ARID4A: variants seen among roughly 807,000 people sequenced by gnomAD.
The protein encoded by ARID4A is AT-rich interaction domain 4A.
In ARID4A, 39 loss-of-function variants were observed where a neutral mutation model predicts 148.6. The observed-to-expected ratio is 0.26, with a 90% CI of 0.20 to 0.34. The LOEUF is 0.34. ARID4A is among the 10% of genes least tolerant of loss of function. The pLI is 1.00. For missense variants in ARID4A, 1,265 were observed against 1,449.1 expected (o/e 0.87, Z 2.06); for synonymous variants, 475 against 481.2 (o/e 0.99, Z 0.17).
intron 11 of ARID4A, among the ~76,000 whole-genome samples, chr14:58,344,337 C>T (rs2034254284): frequency 6.6e-6 from 1 of 151,922 alleles, no homozygotes; most frequent in Non-Finnish European, 1.5e-5. Flanking sequence ...TTATTGTGCT[C>T]ATCTGCCAGT....
chr14:58,311,906 C>A, intron 5 of ARID4A, among the ~76,000 whole-genome samples: 1 of 61,560 alleles, frequency 1.6e-5, no homozygotes. Context: ...TGTTGGTTAT[C>A]AGGGGTGGGG....
intron 21 of ARID4A, 84 bp from the exon 22 acceptor site, chr14:58,365,940 A>G (rs1264972313): frequency 8.5e-7 from 1 of 1,176,926 alleles, no homozygotes; most frequent in African/African-American, 1.6e-5. Context: ...TAGGATACCA[A>G]GAAATGTAAT....
intron 11 of ARID4A, among the ~76,000 whole-genome samples, chr14:58,337,246 T>TTTTATATATATATATATATATA (rs1555361740): frequency 1.2e-5 from 1 of 83,818 alleles, no homozygotes; most frequent in Non-Finnish European, 2.5e-5. Context: ...TTCTCTTTAT[T>TTTTATATATATATATATATATA]TATATATATA....
chr14:58,313,556 G>T (rs1356313601), intron 5 of ARID4A, among the ~76,000 whole-genome samples: 6 of 152,156 alleles, frequency 3.9e-5, no homozygotes, highest in Non-Finnish European at 7.4e-5. Flanking sequence ...TGACCTGGGG[G>T]TTGCAGACCC....
At chr14:58,359,109 T>C in intron 17 of ARID4A, 23 bp from the exon 18 acceptor site, 3 of 615,984 alleles carry the variant, frequency 4.9e-6, no homozygotes, top group Non-Finnish European at 6.8e-6. Context: ...TACAAACTCT[T>C]TTTTTTTTTT....
intron 2 of ARID4A, 98 bp from the exon 3 acceptor site, chr14:58,301,482 A>C (rs1244827507): frequency 1.4e-6 from 1 of 712,332 alleles, no homozygotes; most frequent in Non-Finnish European, 2.2e-6. Context: ...AGTCATTTTA[A>C]TATTCTTAAT....
chr14:58,305,135 G>T, intron 4 of ARID4A, 126 bp downstream of exon 4: 1 of 713,248 alleles, frequency 1.4e-6, no homozygotes, highest in Non-Finnish European at 2.2e-6. Context: ...ACATATGAAG[G>T]GTTTAAATAT....
rs756433888 is a variant in ARID4A at position 58,318,801 on chromosome 14, C to T, written c.445C>T (p.Pro149Ser). Residue 149 changes from proline (P) to serine (S), a missense_variant, in exon 7 of 24, where the codon CCT becomes TCT. Transcript: ENST00000355431. The part of the protein sequence containing the change: ...KTNRGRRSSL[P>S]VTEDEKEEES... ...GAACAGAGGAAGGAGATCTTCTCTT[C>T]CTGTGTGAGTTTTTTCATATATGGT... 6.2e-7 allele frequency: 1 copy of T among 1,610,484 alleles called. No individual in the cohort carries two copies. The highest frequency in any genetic ancestry group is 8.5e-7 in the Non-Finnish European group (1 of 1,176,946).
At chr14:58,358,077 C>T (rs1368056620) in intron 17 of ARID4A, among the ~76,000 whole-genome samples, 1 of 152,056 alleles carries the variant, frequency 6.6e-6, no homozygotes. Flanking sequence ...TGGTGTACAT[C>T]CGTGGTCTCA....
intron 8 of ARID4A, among the ~76,000 whole-genome samples, chr14:58,325,695 G>A (rs1436674185): frequency 6.6e-6 from 1 of 152,120 alleles, no homozygotes; most frequent in Non-Finnish European, 1.5e-5. Context: ...AGAGCTGAAA[G>A]TATATTTTTA....
chr14:58,323,422 A>C, intron 7 of ARID4A, 63 bp from the exon 8 acceptor site: 1 of 1,553,230 alleles, frequency 6.4e-7, no homozygotes, highest in Non-Finnish European at 8.8e-7. Flanking sequence ...TATTAAATTC[A>C]CAATACTCTG....
chr14:58,299,504 C>T (rs1248922691), intron 1 of ARID4A: 1 of 269,918 alleles, frequency 3.7e-6, no homozygotes, highest in African/African-American at 2.2e-5. Flanking sequence ...TGGCCTTTTC[C>T]GGAGCTATCT....
At chr14:58,312,038 A>G (rs1485787852) in intron 5 of ARID4A, among the ~76,000 whole-genome samples, 3 of 152,286 alleles carry the variant, frequency 2.0e-5, no homozygotes, top group Non-Finnish European at 2.9e-5. Flanking sequence ...GTTTTAGCCA[A>G]TAACAATGTA....
At chr14:58,299,153 C>G (rs1259553471) in intron 1 of ARID4A, among the ~76,000 whole-genome samples, 1 of 152,210 alleles carries the variant, frequency 6.6e-6, no homozygotes, top group African/African-American at 2.4e-5. Flanking sequence ...CTCCCCTCCC[C>G]TCCCACACCC....
In ARID4A at chr14:58,313,758, A is replaced by G. The variant is rs192461759; in HGVS notation, c.275-4784A>G. ...TGAGAAGATCTGAGGGACTGCTGGT[A>G]TAAGGTGCAGAGTCCCATAGCCAAA... On this transcript the variant is annotated intron_variant, in intron 5 of 23. Coordinates refer to ENST00000355431, the MANE Select transcript of ARID4A (RefSeq NM_002892.4). Among the ~76,000 whole-genome samples, 27 of 152,330 alleles carry G rather than the reference A, an allele frequency of 1.8e-4. No homozygotes were observed. In the East Asian group the frequency reaches 4.2e-3, roughly 24 times the overall value.
intron 23 of ARID4A, 49 bp from the exon 24 acceptor site, chr14:58,371,837 T>C: frequency 7.2e-7 from 1 of 1,390,996 alleles, no homozygotes; most frequent in Middle Eastern, 1.8e-4. Flanking sequence ...TAGCTGGGTA[T>C]CTTTGTGTAA....
intron 17 of ARID4A, among the ~76,000 whole-genome samples, chr14:58,356,034 C>G (rs1272753744): frequency 6.6e-6 from 1 of 152,122 alleles, no homozygotes; most frequent in African/African-American, 2.4e-5. Flanking sequence ...CTGGCCTGTT[C>G]AGTTGAGATG....
chr14:58,335,379 T>C (rs1364796033), intron 11 of ARID4A, among the ~76,000 whole-genome samples: 1 of 151,460 alleles, frequency 6.6e-6, no homozygotes, highest in Non-Finnish European at 1.5e-5. Context: ...AATGGCGTGA[T>C]CTCGGCTCAC....
At chr14:58,346,906 C>T (rs566675157) in intron 13 of ARID4A, 114 bp from the exon 14 acceptor site, 33 of 419,110 alleles carry the variant, frequency 7.9e-5, no homozygotes, top group Middle Eastern at 1.5e-3. Flanking sequence ...CCAGCCTGGG[C>T]GACAGAGTGA....
Sources: gnomAD v4.1 joint callset for allele counts (sites outside exome capture counted in the v4.1 genomes callset) on GRCh38, gnomAD v4.1.1 for gene constraint, MANE v1.5 for transcripts, NCBI Gene and HGNC (gene_info 2026-07-23, HGNC 2026-07-21) for gene names.